FNDC3A: variants seen among roughly 807,000 people sequenced by gnomAD.
The protein encoded by FNDC3A is fibronectin type-III domain-containing protein 3A.
Under a neutral mutation model 148.9 loss-of-function variants are expected in FNDC3A, and 32 were observed. The observed-to-expected ratio is 0.21, with a 90% CI of 0.16 to 0.29. FNDC3A has a LOEUF of 0.29. Among genes scored for constraint, FNDC3A ranks in the 10% least tolerant of loss-of-function variants. The pLI is 1.00. For synonymous variants in FNDC3A, 472 were observed against 473.6 expected, an observed-to-expected ratio of 1.00 and a Z score of 0.04; for missense variants, 1,191 against 1,452.8, an observed-to-expected ratio of 0.82 and a Z score of 2.93.
intron 2 of FNDC3A, among the ~76,000 whole-genome samples, chr13:49,051,074 A>G (rs2137712679): frequency 6.6e-6 from 1 of 152,274 alleles, no homozygotes; most frequent in Non-Finnish European, 1.5e-5. Flanking sequence ...GACAGCAGAA[A>G]CTTGGTTGGT....
At chr13:49,134,841 C>CCTTTTT (rs1882254848) in intron 5 of FNDC3A, among the ~76,000 whole-genome samples, 1 of 2,638 alleles carries the variant, frequency 3.8e-4, no homozygotes. Context: ...GAGTTTCACT[C>CCTTTTT]TTTTTTTTTT....
chr13:49,037,688 C>A (rs1377968056), intron 2 of FNDC3A, among the ~76,000 whole-genome samples: 2 of 152,172 alleles, frequency 1.3e-5, no homozygotes, highest in Admixed American at 1.3e-4. Context: ...CCTGGCCTCA[C>A]CCCCCTCACA....
chr13:49,057,393 G>A (rs1009144397), intron 2 of FNDC3A, among the ~76,000 whole-genome samples: 13 of 152,024 alleles, frequency 8.6e-5, no homozygotes, highest in African/African-American at 2.9e-4. Context: ...TTTCTTAACG[G>A]GTTTTGAAAC....
At chr13:49,195,808 C>T (rs1886118614) in intron 19 of FNDC3A, among the ~76,000 whole-genome samples, 1 of 152,092 alleles carries the variant, frequency 6.6e-6, no homozygotes, top group African/African-American at 2.4e-5. Context: ...TGCCTGTAAT[C>T]CCAGCACTTT....
chr13:49,097,158 C>T (rs1480552448), intron 3 of FNDC3A, among the ~76,000 whole-genome samples: 1 of 151,820 alleles, frequency 6.6e-6, no homozygotes. Flanking sequence ...AGGGGATAAC[C>T]AAAACTATAG....
chr13:49,184,366 G>A (rs1885454405), intron 14 of FNDC3A, among the ~76,000 whole-genome samples: 1 of 152,198 alleles, frequency 6.6e-6, no homozygotes, highest in African/African-American at 2.4e-5. Context: ...TGTACACTGG[G>A]AAACTAGCTA....
intron 2 of FNDC3A, chr13:49,045,764 C>T: frequency 1.6e-6 from 1 of 606,446 alleles, no homozygotes; most frequent in South Asian, 2.2e-5. Flanking sequence ...ATTTTGACAG[C>T]ATAGCATCTG....
chr13:49,108,567 T>C (rs988727586), intron 3 of FNDC3A, among the ~76,000 whole-genome samples: 9 of 152,116 alleles, frequency 5.9e-5, no homozygotes, highest in African/African-American at 2.2e-4. Flanking sequence ...AATTTATTTA[T>C]AATGGAAAAA....
intron 3 of FNDC3A, among the ~76,000 whole-genome samples, chr13:49,091,686 T>C (rs1159765605): frequency 1.3e-5 from 2 of 152,220 alleles, no homozygotes; most frequent in East Asian, 3.8e-4. Flanking sequence ...TCTCTTCCTG[T>C]GTCAACTGAT....
At chr13:49,161,696 A>G (rs1165857121) in intron 8 of FNDC3A, among the ~76,000 whole-genome samples, 6 of 152,178 alleles carry the variant, frequency 3.9e-5, no homozygotes, top group Non-Finnish European at 8.8e-5. Context: ...GTTTCTTCCT[A>G]GCATCGATGA....
intron 2 of FNDC3A, among the ~76,000 whole-genome samples, chr13:49,023,694 A>G (rs915364313): frequency 5.9e-5 from 9 of 151,928 alleles, no homozygotes; most frequent in African/African-American, 2.2e-4. Context: ...CTTTTAAGTA[A>G]TATAGTTTGG....
intron 8 of FNDC3A, among the ~76,000 whole-genome samples, chr13:49,152,809 A>T (rs1444544131): frequency 3.3e-5 from 5 of 151,174 alleles, no homozygotes; most frequent in Non-Finnish European, 7.4e-5. Context: ...GAGAATGATG[A>T]TTTCCAATTT....
chr13:49,053,130 C>T (rs1000002524), intron 2 of FNDC3A, among the ~76,000 whole-genome samples: 1 of 152,222 alleles, frequency 6.6e-6, no homozygotes, highest in Non-Finnish European at 1.5e-5. Flanking sequence ...GGGCTGAGTA[C>T]TTGCCCCAGA....
At chr13:49,181,422 GA>G (rs1885296285) in intron 14 of FNDC3A, among the ~76,000 whole-genome samples, 1 of 152,114 alleles carries the variant, frequency 6.6e-6, no homozygotes, top group African/African-American at 2.4e-5. Flanking sequence ...TACTAAATTA[GA>G]AATTTGGGGG....
At chr13:49,187,033 C>A in intron 15 of FNDC3A, 89 bp from the exon 16 acceptor site, 2 of 863,022 alleles carry the variant, frequency 2.3e-6, no homozygotes, top group Non-Finnish European at 3.6e-6. Context: ...TTTTTTTAAA[C>A]CTAGTTTGGT....
chr13:49,081,185 G>T (rs1878444291), intron 3 of FNDC3A, among the ~76,000 whole-genome samples: 1 of 152,128 alleles, frequency 6.6e-6, no homozygotes, highest in South Asian at 2.1e-4. Flanking sequence ...AATAAATGGG[G>T]CTAACGAGTA....
chr13:49,133,585 C>T (rs533489694), intron 5 of FNDC3A, among the ~76,000 whole-genome samples: 3 of 152,172 alleles, frequency 2.0e-5, no homozygotes, highest in East Asian at 1.9e-4. Context: ...GCTATACCTC[C>T]GTGATGTCCT....
At chr13:49,150,216 G>A (rs1883209446) in intron 8 of FNDC3A, among the ~76,000 whole-genome samples, 1 of 152,088 alleles carries the variant, frequency 6.6e-6, no homozygotes. Context: ...TGGGACTGTA[G>A]GTGTGCACCA....
intron 2 of FNDC3A, among the ~76,000 whole-genome samples, chr13:49,073,714 T>C (rs550475786): frequency 7.0e-6 from 1 of 143,426 alleles, no homozygotes; most frequent in Non-Finnish European, 1.5e-5. Context: ...AATATATATG[T>C]GTATATATAA....
Sources: gnomAD v4.1 joint callset for allele counts (sites outside exome capture counted in the v4.1 genomes callset) on GRCh38, gnomAD v4.1.1 for gene constraint, MANE v1.5 for transcripts, NCBI Gene and HGNC (gene_info 2026-07-23, HGNC 2026-07-21) for gene names.